CASD1: variants seen among roughly 807,000 people sequenced by gnomAD.
CASD1 encodes CAS1 domain sialic acid O acetyltransferase 1.
Under a neutral mutation model 100.0 loss-of-function variants are expected in CASD1, and 41 were observed. The observed-to-expected ratio is 0.41, with a 90% CI of 0.32 to 0.53. CASD1 has a LOEUF of 0.53. Among genes scored for constraint, CASD1 ranks in the 20% least tolerant of loss-of-function variants. The pLI is 0.25. For missense variants in CASD1, 774 were observed against 948.7 expected, an observed-to-expected ratio of 0.82 and a Z score of 2.42; for synonymous variants, 321 against 315.6, an observed-to-expected ratio of 1.02 and a Z score of -0.18.
the CASD1 span, chr7:94,619,221 C>T: frequency 3.2e-3 from 1,008 of 310,328 alleles, 5 homozygotes; most frequent in Middle Eastern, 6.6e-3. Flanking sequence ...TAGAATTTGG[C>T]AAAACAACTA....
the CASD1 span, among the ~76,000 whole-genome samples, chr7:94,569,581 A>G: frequency 9.2e-5 from 14 of 151,672 alleles, no homozygotes; most frequent in Non-Finnish European, 1.8e-4. Context: ...CAGCCTCCCA[A>G]GTAGTTTAGC....
chr7:94,518,058 T>A (rs1361979049), intron 2 of CASD1, 145 bp from the exon 3 acceptor site: 2 of 721,220 alleles, frequency 2.8e-6, no homozygotes, highest in African/African-American at 3.6e-5. Context: ...GAGTGGTAAG[T>A]TAAACAAACC....
chr7:94,594,659 T>C, the CASD1 span: 6 of 152,140 alleles, frequency 3.9e-5, no homozygotes, highest in African/African-American at 1.4e-4. Flanking sequence ...AAATGTACCA[T>C]GGTACTGTAA....
the CASD1 span, among the ~76,000 whole-genome samples, chr7:94,632,604 T>C: frequency 1.3e-5 from 2 of 152,082 alleles, no homozygotes; most frequent in African/African-American, 4.8e-5. Flanking sequence ...CATCTAGAAA[T>C]GGAAAATGAC....
chr7:94,575,951 C>CTT, the CASD1 span, among the ~76,000 whole-genome samples: 1 of 152,290 alleles, frequency 6.6e-6, no homozygotes, highest in East Asian at 1.9e-4. Context: ...CATGATGTGT[C>CTT]TAAGTGTGGA....
chr7:94,523,218 A>G (rs1422255978), intron 3 of CASD1, among the ~76,000 whole-genome samples: 3 of 152,342 alleles, frequency 2.0e-5, no homozygotes, highest in East Asian at 3.9e-4. Flanking sequence ...AGGTAATCTA[A>G]AGATGTAAGA....
chr7:94,559,583 T>C (rs1195493960), downstream of CASD1, among the ~76,000 whole-genome samples: 2 of 152,136 alleles, frequency 1.3e-5, no homozygotes, highest in East Asian at 3.9e-4. Context: ...TGGAGTGCAA[T>C]GGCGCAATCT....
At chr7:94,611,684 A>T in the CASD1 span, among the ~76,000 whole-genome samples, 14 of 152,294 alleles carry the variant, frequency 9.2e-5, no homozygotes, top group African/African-American at 1.2e-4. Flanking sequence ...TTATTTTTTT[A>T]AAATGAAATG....
the CASD1 span, among the ~76,000 whole-genome samples, chr7:94,601,443 C>CAAAAAAAAAAAAA: frequency 1.3e-3 from 114 of 89,270 alleles, 9 homozygotes; most frequent in East Asian, 2.5e-3. Flanking sequence ...ATCCCAGTAT[C>CAAAAAAAAAAAAA]AAAAAAAAAA....
chr7:94,600,880 CACA>C, the CASD1 span: 1 of 1,558,120 alleles, frequency 6.4e-7, no homozygotes, highest in Admixed American at 1.7e-5. Context: ...AAGACAATTA[CACA>C]ACAAATTAAT....
At chr7:94,517,152 C>T (rs946178616) in intron 1 of CASD1, among the ~76,000 whole-genome samples, 6 of 152,148 alleles carry the variant, frequency 3.9e-5, no homozygotes, top group African/African-American at 1.4e-4. Flanking sequence ...GATCTGCCCA[C>T]CTAGGCCTCC....
At chr7:94,580,230 C>G in the CASD1 span, among the ~76,000 whole-genome samples, 1 of 152,064 alleles carries the variant, frequency 6.6e-6, no homozygotes, top group Admixed American at 6.6e-5. Flanking sequence ...ATTTTTCATT[C>G]TTAACATCCT....
the CASD1 span, among the ~76,000 whole-genome samples, chr7:94,631,119 A>G: frequency 6.6e-6 from 1 of 151,806 alleles, no homozygotes; most frequent in South Asian, 2.1e-4. Context: ...CTAGGTATGC[A>G]GAGAGATCTA....
intron 15 of CASD1, chr7:94,552,066 T>C: frequency 3.5e-6 from 1 of 289,754 alleles, no homozygotes; most frequent in South Asian, 9.3e-5. Context: ...TGGGATAAAA[T>C]GTAATGTAAG....
chr7:94,562,857 CCAGGTGGTCTCCTACTGGGATGTAGTCT>C, the CASD1 span, among the ~76,000 whole-genome samples: 1 of 152,140 alleles, frequency 6.6e-6, no homozygotes, highest in East Asian at 1.9e-4. Flanking sequence ...TCATTTTAGA[CCAGGTGGTCTCCTACTGGGATGTAGTCT>C]CAGCTGACCC....
intron 3 of CASD1, among the ~76,000 whole-genome samples, chr7:94,523,701 G>A (rs1052993458): frequency 1.3e-5 from 2 of 152,252 alleles, no homozygotes; most frequent in African/African-American, 4.8e-5. Context: ...CAACTTTACC[G>A]ATGGATTCTA....
At chr7:94,562,545 C>G in the CASD1 span, among the ~76,000 whole-genome samples, 4 of 152,146 alleles carry the variant, frequency 2.6e-5, no homozygotes, top group South Asian at 6.2e-4. Context: ...GTTCACAGTT[C>G]TCTGCAATTT....
At chr7:94,607,217 A>C in the CASD1 span, among the ~76,000 whole-genome samples, 1 of 152,198 alleles carries the variant, frequency 6.6e-6, no homozygotes. Context: ...ATTCTACTAG[A>C]CATTTAAGGG....
At chr7:94,546,260 G>C (rs997703624) in intron 12 of CASD1, among the ~76,000 whole-genome samples, 2 of 151,832 alleles carry the variant, frequency 1.3e-5, no homozygotes, top group African/African-American at 4.8e-5. Flanking sequence ...ATACCCAAAA[G>C]CTTGTTATTT....
Sources: allele counts gnomAD v4.1 joint callset (sites outside exome capture counted in the v4.1 genomes callset), GRCh38; gene constraint gnomAD v4.1.1; transcripts MANE v1.5; gene names NCBI Gene and HGNC (gene_info 2026-07-23, HGNC 2026-07-21).